Variants in BRDT observed in about 807,000 individuals in gnomAD.
BRDT encodes bromodomain testis-specific protein.
BRDT carries 77 observed loss-of-function variants against 113.9 expected under a neutral mutation model. The observed-to-expected ratio is 0.68, with a 90% confidence interval of 0.56 to 0.82. The LOEUF is 0.82. BRDT is among the 40% of genes least tolerant of loss of function. BRDT has a pLI of 0.00. For synonymous variants in BRDT, 358 were observed against 366.5 expected, an observed-to-expected ratio of 0.98 and a Z score of 0.26; for missense variants, 1,027 against 1,105.4, an observed-to-expected ratio of 0.93 and a Z score of 1.01.
chr1:91,964,823 G>C (rs1042489575), intron 3 of BRDT, 59 bp downstream of exon 3: 2 of 1,152,614 alleles, frequency 1.7e-6, no homozygotes, highest in African/African-American at 3.2e-5. Flanking sequence ...GGAGAGAAAT[G>C]TATAAAATCA....
At chr1:91,991,966 T>A (rs1451730515) in intron 13 of BRDT, among the ~76,000 whole-genome samples, 2 of 116,188 alleles carry the variant, frequency 1.7e-5, no homozygotes, top group African/African-American at 6.7e-5. Flanking sequence ...CACTCCAGCC[T>A]GGGCGACAGA....
At chr1:91,968,966 T>G (rs548505628) in intron 4 of BRDT, among the ~76,000 whole-genome samples, 1 of 151,800 alleles carries the variant, frequency 6.6e-6, no homozygotes, top group East Asian at 1.9e-4. Flanking sequence ...GACGGAGTCT[T>G]CACTCTGTCG....
intron 4 of BRDT, among the ~76,000 whole-genome samples, chr1:91,970,425 C>T (rs1683511596): frequency 6.6e-6 from 1 of 152,078 alleles, no homozygotes; most frequent in Non-Finnish European, 1.5e-5. Flanking sequence ...TACCACCACA[C>T]CCAGCTAATT....
intron 15 of BRDT, among the ~76,000 whole-genome samples, chr1:91,999,303 C>G (rs929347047): frequency 6.6e-6 from 1 of 152,090 alleles, no homozygotes; most frequent in African/African-American, 2.4e-5. Context: ...ACCCGGGACA[C>G]AAGATGAAGA....
At chr1:91,968,776 G>A (rs1330146310) in intron 4 of BRDT, among the ~76,000 whole-genome samples, 1 of 152,092 alleles carries the variant, frequency 6.6e-6, no homozygotes, top group Non-Finnish European at 1.5e-5. Flanking sequence ...TAAATCTGAA[G>A]TATTCAAATA....
intron 15 of BRDT, among the ~76,000 whole-genome samples, chr1:91,998,023 T>G (rs1237979220): frequency 6.6e-6 from 1 of 152,226 alleles, no homozygotes; most frequent in Non-Finnish European, 1.5e-5. Context: ...TTTTAAGTGT[T>G]ACTGGTTTTC....
intron 7 of BRDT, among the ~76,000 whole-genome samples, chr1:91,978,503 T>G (rs1214437816): frequency 6.6e-6 from 1 of 152,178 alleles, no homozygotes. Flanking sequence ...TTTCGTTTTG[T>G]TTTTTTGAGT....
At chr1:91,979,338 C>T (rs1410498805) in intron 7 of BRDT, among the ~76,000 whole-genome samples, 1 of 151,894 alleles carries the variant, frequency 6.6e-6, no homozygotes, top group Non-Finnish European at 1.5e-5. Flanking sequence ...GTCTTGATCT[C>T]CCCCATCTCC....
chr1:91,987,148 G>T (rs960713129), intron 12 of BRDT, among the ~76,000 whole-genome samples: 1 of 151,972 alleles, frequency 6.6e-6, no homozygotes. Flanking sequence ...TTGAACTCCT[G>T]GCTTCAAGCG....
In BRDT at chr1:91,968,156, A is replaced by T; in HGVS notation, c.341A>T (p.Asp114Val). 6.2e-7 allele frequency: 1 copy of T among 1,613,962 alleles called. No individual in the cohort carries two copies. The highest frequency in any genetic ancestry group is 2.2e-5 in the East Asian group (1 of 44,860). ...NCYLYNKPGD[D>V]IVLMAQALEK... ...TAATATATTTTGTAGCCTGGAGATGACATTGTTCTTATGGCACAAGCTCTA... is the reference window on the plus strand; with the variant it reads ...TAATATATTTTGTAGCCTGGAGATGTCATTGTTCTTATGGCACAAGCTCTA... Residue 114 changes from aspartate to valine, a missense_variant, in exon 4 of 19, where the codon GAC becomes GTC. By Grantham distance (152) the Asp-to-Val change is radical. Transcript: ENST00000399546.
chr1:91,967,066 C>T (rs990682501), intron 3 of BRDT, among the ~76,000 whole-genome samples: 10 of 151,788 alleles, frequency 6.6e-5, no homozygotes, highest in Admixed American at 5.3e-4. Flanking sequence ...GAGACTTCGT[C>T]GTTGAATATG....
intron 5 of BRDT, 106 bp downstream of exon 5, chr1:91,976,544 T>A: frequency 9.4e-7 from 1 of 1,063,176 alleles, no homozygotes; most frequent in Non-Finnish European, 1.3e-6. Flanking sequence ...CTTTTTTAAT[T>A]CATTTAGCAT....
In BRDT at chr1:91,963,013, A is replaced by G. The variant is rs1682655448; in HGVS notation, c.192+67A>G. On this transcript the variant is annotated intron_variant, in intron 2 of 18. Coordinates refer to ENST00000399546, the MANE Select transcript of BRDT (RefSeq NM_207189.4). ...CTCCTGTAAATTTCTGTAAGACATAACTAGTCTTTAATATTATAAAACATA... is the reference window on the plus strand; with the variant it reads ...CTCCTGTAAATTTCTGTAAGACATAGCTAGTCTTTAATATTATAAAACATA... The G allele has an allele frequency of 1.4e-5, 18 of 1,264,000 alleles. No individual in the cohort carries two copies. The South Asian group carries it at 2.9e-4, about 20-fold the overall frequency. The allele number at this position is 1,264,000 out of a possible 1,614,324, so 78.3% of individuals were successfully genotyped here.
intron 15 of BRDT, among the ~76,000 whole-genome samples, chr1:91,998,326 G>T (rs898498019): frequency 2.6e-5 from 4 of 152,056 alleles, no homozygotes; most frequent in African/African-American, 9.7e-5. Context: ...TGGACACAGG[G>T]AGGGGAACAT....
intron 4 of BRDT, among the ~76,000 whole-genome samples, chr1:91,971,045 T>A (rs1203449000): frequency 6.6e-6 from 1 of 152,060 alleles, no homozygotes; most frequent in African/African-American, 2.4e-5. Flanking sequence ...CTTCTGGGCC[T>A]CAGGAAGCTT....
intron 4 of BRDT, among the ~76,000 whole-genome samples, chr1:91,970,541 A>G (rs1014873506): frequency 1.3e-5 from 2 of 152,220 alleles, no homozygotes; most frequent in Non-Finnish European, 2.9e-5. Context: ...TGCTAGGATT[A>G]CAGGCGTGAG....
rs562085919 is a variant in BRDT, at chr1:91,972,622, TA to T, written c.446-3643del. ...AGTACTGCATTAGGCACAAGGGACT[TA>T]GGGGTGACCAAAACAAAGTCCCCTT... On this transcript the variant is annotated intron_variant, in intron 4 of 18. Coordinates refer to ENST00000399546, the MANE Select transcript of BRDT (RefSeq NM_207189.4). Among the ~76,000 whole-genome samples, 843 of 152,284 alleles carry T rather than the reference TA, an allele frequency of 5.5e-3. 7 individuals carry two copies. The highest frequency in any genetic ancestry group is 0.011 in the South Asian group (54 of 4,818).
At chr1:91,984,549 A>G (rs981346739) in intron 12 of BRDT, among the ~76,000 whole-genome samples, 1 of 152,254 alleles carries the variant, frequency 6.6e-6, no homozygotes, top group African/African-American at 2.4e-5. Flanking sequence ...AAAATTAGGC[A>G]CATCAGCAAA....
chr1:91,987,046 A>G (rs1409250306), intron 12 of BRDT, among the ~76,000 whole-genome samples: 1 of 150,470 alleles, frequency 6.6e-6, no homozygotes, highest in Non-Finnish European at 1.5e-5. Flanking sequence ...CAGGCCTTCC[A>G]ATTAGCTGGG....
Sources: allele counts gnomAD v4.1 joint callset (sites outside exome capture counted in the v4.1 genomes callset), GRCh38; gene constraint gnomAD v4.1.1; transcripts MANE v1.5; gene names NCBI Gene and HGNC (gene_info 2026-07-23, HGNC 2026-07-21).